Variants in ADAMTS16 observed in about 807,000 individuals in gnomAD.
The protein encoded by ADAMTS16 is A disintegrin and metalloproteinase with thrombospondin motifs 16.
ADAMTS16 carries 94 observed loss-of-function variants against 145.8 expected under a neutral mutation model. That is an observed-to-expected ratio of 0.64 (90% CI 0.55 to 0.77). ADAMTS16 has a LOEUF of 0.77. Ranked by LOEUF, ADAMTS16 falls within the 30% of genes least tolerant of loss-of-function variation. The pLI, the probability that ADAMTS16 is intolerant of heterozygous loss-of-function variation, is 0.00. For missense variants in ADAMTS16, 1,585 were observed against 1,591.5 expected (o/e 1.00, Z 0.07); for synonymous variants, 659 against 604.3 (o/e 1.09, Z -1.33).
chr5:5,155,226 A>C (rs1030506523), intron 3 of ADAMTS16, among the ~76,000 whole-genome samples: 1 of 152,142 alleles, frequency 6.6e-6, no homozygotes, highest in African/African-American at 2.4e-5. Flanking sequence ...TGGGACAGAC[A>C]GGAAGTCCAC....
intron 18 of ADAMTS16, among the ~76,000 whole-genome samples, chr5:5,283,601 A>G (rs1445817516): frequency 6.6e-6 from 1 of 152,136 alleles, no homozygotes; most frequent in African/African-American, 2.4e-5. Flanking sequence ...TCAATAGGCA[A>G]AAGGTGTAAA....
chr5:5,253,428 C>A (rs1737687363), intron 17 of ADAMTS16, among the ~76,000 whole-genome samples: 1 of 152,116 alleles, frequency 6.6e-6, no homozygotes, highest in South Asian at 2.1e-4. Flanking sequence ...TCTGGCTCAG[C>A]ACTTCTGCAT....
intron 17 of ADAMTS16, 26 bp downstream of exon 17, chr5:5,242,217 G>A: frequency 6.2e-7 from 1 of 1,610,720 alleles, no homozygotes; most frequent in Non-Finnish European, 8.5e-7. Context: ...TGCTGCTCCT[G>A]GAGGCAGCAT....
At chr5:5,155,793 G>C (rs566907034) in intron 3 of ADAMTS16, among the ~76,000 whole-genome samples, 1 of 152,154 alleles carries the variant, frequency 6.6e-6, no homozygotes, top group South Asian at 2.1e-4. Context: ...GGGAAAAACA[G>C]GAAGTGAGGG....
chr5:5,252,718 G>C (rs189834534), intron 17 of ADAMTS16, among the ~76,000 whole-genome samples: 23 of 152,290 alleles, frequency 1.5e-4, no homozygotes, highest in African/African-American at 5.3e-4. Flanking sequence ...GGAATATGCT[G>C]CAATAGGTTC....
chr5:5,159,820 T>C (rs1734694692), intron 3 of ADAMTS16, among the ~76,000 whole-genome samples: 1 of 152,226 alleles, frequency 6.6e-6, no homozygotes, highest in Non-Finnish European at 1.5e-5. Context: ...GAAAGTTGTC[T>C]ATTCCCAACA....
intron 11 of ADAMTS16, 68 bp from the exon 12 acceptor site, chr5:5,232,300 A>T: frequency 6.3e-7 from 1 of 1,586,166 alleles, no homozygotes; most frequent in Non-Finnish European, 8.7e-7. Flanking sequence ...GCCTTATAGC[A>T]GTGATGAGAT....
rs1195176050 is a variant in ADAMTS16 at position 5,229,304 on chromosome 5, CA to C, written c.1702-3044del. ...TGGGCGACAGAGCGAGACTCCGTCT[CA>C]AAAAAAAAAAAAAAAAAAAGAAGTT... On this transcript the variant is annotated intron_variant, in intron 11 of 22. Coordinates refer to ENST00000274181, the MANE Select transcript of ADAMTS16 (RefSeq NM_139056.4). Among the ~76,000 whole-genome samples the C allele has an allele frequency of 1.6e-3, 122 of 75,520 alleles. 1 individual carries two copies. The highest frequency in any genetic ancestry group is 7.8e-3 in the Middle Eastern group (1 of 128). 49.5% of individuals were successfully genotyped at this position (75,520 alleles called of 152,430 possible).
chr5:5,255,852 C>A (rs1737762581), intron 17 of ADAMTS16, among the ~76,000 whole-genome samples: 1 of 152,128 alleles, frequency 6.6e-6, no homozygotes, highest in Non-Finnish European at 1.5e-5. Flanking sequence ...CTTGGGCTAT[C>A]CTTTATTTCT....
intron 21 of ADAMTS16, among the ~76,000 whole-genome samples, chr5:5,316,072 C>G (rs1193622969): frequency 6.6e-6 from 1 of 152,150 alleles, no homozygotes. Context: ...GAATCCCATC[C>G]CCAGCGATTT....
At chr5:5,268,560 G>A (rs746636) in intron 18 of ADAMTS16, among the ~76,000 whole-genome samples, 1 of 152,038 alleles carries the variant, frequency 6.6e-6, no homozygotes, top group South Asian at 2.1e-4. Flanking sequence ...GGTCTCTCAC[G>A]CCTGCCATCA....
At chr5:5,193,304 TG>T (rs1352843514) in intron 8 of ADAMTS16, among the ~76,000 whole-genome samples, 11 of 152,226 alleles carry the variant, frequency 7.2e-5, no homozygotes, top group Non-Finnish European at 1.2e-4. Flanking sequence ...ATCTTATTAC[TG>T]ATCCCTTCAT....
At chr5:5,168,602 T>TAG (rs386402897) in intron 3 of ADAMTS16, among the ~76,000 whole-genome samples, 64 of 125,506 alleles carry the variant, frequency 5.1e-4, no homozygotes, top group African/African-American at 1.8e-3. Flanking sequence ...ATATAATATA[T>TAG]AATTATATTT....
At chr5:5,174,390 A>G (rs548031335) in intron 3 of ADAMTS16, among the ~76,000 whole-genome samples, 1 of 148,152 alleles carries the variant, frequency 6.7e-6, no homozygotes, top group Non-Finnish European at 1.5e-5. Context: ...TTTCTTTATC[A>G]TTGATCTTTG....
At chr5:5,290,953 C>T (rs1326253169) in intron 18 of ADAMTS16, among the ~76,000 whole-genome samples, 2 of 152,122 alleles carry the variant, frequency 1.3e-5, no homozygotes, top group Non-Finnish European at 2.9e-5. Context: ...ACTTTCTTTT[C>T]GTTAGGTATA....
At chr5:5,249,311 T>C (rs1295005681) in intron 17 of ADAMTS16, among the ~76,000 whole-genome samples, 1 of 152,220 alleles carries the variant, frequency 6.6e-6, no homozygotes, top group Non-Finnish European at 1.5e-5. Context: ...TAATTTTTAG[T>C]TCTTGCAGTT....
intron 18 of ADAMTS16, among the ~76,000 whole-genome samples, chr5:5,284,936 C>A (rs895235381): frequency 1.3e-5 from 2 of 152,146 alleles, no homozygotes; most frequent in African/African-American, 4.8e-5. Context: ...CCTTGTTCCT[C>A]TGGCGCACTT....
At chr5:5,244,904 A>G (rs1737395257) in intron 17 of ADAMTS16, among the ~76,000 whole-genome samples, 2 of 152,108 alleles carry the variant, frequency 1.3e-5, no homozygotes, top group African/African-American at 2.4e-5. Flanking sequence ...CTGGTATTCA[A>G]TTTTCCCTTG....
intron 11 of ADAMTS16, chr5:5,223,144 A>G (rs559833471): frequency 2.9e-5 from 14 of 477,634 alleles, no homozygotes; most frequent in African/African-American, 2.5e-4. Context: ...TGACAGATTC[A>G]GTCTATTGAG....
Sources: allele counts gnomAD v4.1 joint callset (sites outside exome capture counted in the v4.1 genomes callset), GRCh38; gene constraint gnomAD v4.1.1; transcripts MANE v1.5; gene names NCBI Gene and HGNC (gene_info 2026-07-23, HGNC 2026-07-21).